VPS13B: variants seen among roughly 807,000 people sequenced by gnomAD.
VPS13B encodes vacuolar protein sorting 13 homolog B.
In VPS13B, 285 loss-of-function variants were observed where a neutral mutation model predicts 426.4. That is an observed-to-expected ratio of 0.67 (90% CI 0.61 to 0.74). The LOEUF is 0.74. VPS13B is among the 30% of genes least tolerant of loss of function. The probability of loss-of-function intolerance (pLI) is 0.00; values close to 1 mark genes in which losing one functional copy is unlikely to be tolerated. For missense variants in VPS13B, 4,537 were observed against 4,782.6 expected, an observed-to-expected ratio of 0.95 and a Z score of 1.51; for synonymous variants, 1,676 against 1,676.4, an observed-to-expected ratio of 1.00 and a Z score of 0.01.
At chr8:99,449,527 A>G (rs180774961) in intron 23 of VPS13B, among the ~76,000 whole-genome samples, 1 of 152,276 alleles carries the variant, frequency 6.6e-6, no homozygotes, top group East Asian at 1.9e-4. Context: ...AGAGTGACAA[A>G]TGAAGTGGGA....
intron 19 of VPS13B, among the ~76,000 whole-genome samples, chr8:99,332,570 G>T (rs1415660784): frequency 6.6e-6 from 1 of 151,584 alleles, no homozygotes; most frequent in East Asian, 1.9e-4. Context: ...TGATTTACTT[G>T]TAAAGTAAAT....
intron 3 of VPS13B, among the ~76,000 whole-genome samples, chr8:99,093,600 A>G (rs371267398): frequency 1.9e-3 from 281 of 147,422 alleles, no homozygotes; most frequent in African/African-American, 5.5e-3. Flanking sequence ...TCATTGTTCA[A>G]TTCCCACCTA....
At chr8:99,474,698 A>T (rs953638564) in intron 24 of VPS13B, among the ~76,000 whole-genome samples, 9 of 152,182 alleles carry the variant, frequency 5.9e-5, no homozygotes, top group Non-Finnish European at 1.2e-4. Flanking sequence ...AATAAATGAT[A>T]GACTCAATAT....
At chr8:99,637,230 A>G (rs1188796995) in intron 33 of VPS13B, among the ~76,000 whole-genome samples, 1 of 152,010 alleles carries the variant, frequency 6.6e-6, no homozygotes, top group African/African-American at 2.4e-5. Context: ...ACTTTTCTTA[A>G]TAGTGGACCA....
chr8:99,863,953 A>G (rs939829422), intron 58 of VPS13B, among the ~76,000 whole-genome samples: 1 of 152,174 alleles, frequency 6.6e-6, no homozygotes, highest in East Asian at 1.9e-4. Context: ...CAGTGTGTCC[A>G]TGTCTTGACT....
chr8:99,231,210 A>T (rs1563616074), intron 17 of VPS13B, among the ~76,000 whole-genome samples: 6 of 152,252 alleles, frequency 3.9e-5, no homozygotes, highest in Admixed American at 6.5e-5. Context: ...TCGTGATTTC[A>T]CAAGTTCAAA....
chr8:99,229,684 G>A (rs1816216883), intron 17 of VPS13B, among the ~76,000 whole-genome samples: 1 of 152,122 alleles, frequency 6.6e-6, no homozygotes, highest in African/African-American at 2.4e-5. Flanking sequence ...AGGAGAGATA[G>A]AAGGCCACTT....
At chr8:99,633,836 T>TGTGC (rs1554881630) in intron 33 of VPS13B, among the ~76,000 whole-genome samples, 3 of 151,334 alleles carry the variant, frequency 2.0e-5, no homozygotes, top group Non-Finnish European at 4.4e-5. Context: ...TGTGTGTGTG[T>TGTGC]GTGCGTGTTT....
intron 21 of VPS13B, among the ~76,000 whole-genome samples, chr8:99,407,150 A>G (rs148911770): frequency 5.3e-5 from 8 of 152,332 alleles, no homozygotes; most frequent in African/African-American, 1.7e-4. Flanking sequence ...GACCCTTTTC[A>G]GAACTGTGAG....
rs180736445 is a variant in VPS13B, at chr8:99,851,136, G to A, written c.10061+2242G>A. Among the ~76,000 whole-genome samples, 8 of 152,066 alleles carry A rather than the reference G, an allele frequency of 5.3e-5. No homozygotes were observed. The East Asian group carries it at 7.7e-4, about 15-fold the overall frequency. ...TTTAACTAGTATAGCACAAAATTTCGGGTTTATTCAACAATTTCAGAAACA... is the reference window on the plus strand; with the variant it reads ...TTTAACTAGTATAGCACAAAATTTCAGGTTTATTCAACAATTTCAGAAACA... On this transcript the variant is annotated intron_variant, in intron 55 of 61. Transcript: ENST00000357162.
intron 34 of VPS13B, among the ~76,000 whole-genome samples, chr8:99,647,082 ATATT>A (rs1332114188): frequency 2.6e-5 from 4 of 151,940 alleles, no homozygotes; most frequent in Admixed American, 6.6e-5. Context: ...TGTTATAGAG[ATATT>A]GGCTTTCTGG....
intron 3 of VPS13B, among the ~76,000 whole-genome samples, chr8:99,050,997 G>A (rs1373301315): frequency 6.6e-6 from 1 of 152,090 alleles, no homozygotes; most frequent in Admixed American, 6.5e-5. Flanking sequence ...TCACTCTGAT[G>A]GTAGTTTCTT....
chr8:99,311,381 A>G (rs1231481123), intron 19 of VPS13B, among the ~76,000 whole-genome samples: 1 of 151,942 alleles, frequency 6.6e-6, no homozygotes, highest in East Asian at 1.9e-4. Flanking sequence ...CTTTTTTCTC[A>G]TTGGTTTCAA....
Position 99,593,766 on chromosome 8 carries a change from A to G in VPS13B, c.5220+16133A>G, listed in dbSNP as rs140707361. Among the ~76,000 whole-genome samples the G allele has an allele frequency of 1.8e-3, 268 of 152,238 alleles. 2 individuals are homozygous for G. The highest frequency in any genetic ancestry group is 6.3e-3 in the African/African-American group (262 of 41,542). ...GATCGTGTACTGTGCAGGGACATGGATGGAGTTTAAAGCCATTATGCTCAG... is the reference window on the plus strand; with the variant it reads ...GATCGTGTACTGTGCAGGGACATGGGTGGAGTTTAAAGCCATTATGCTCAG... On this transcript the variant is annotated intron_variant, in intron 33 of 61. Transcript: ENST00000357162.
chr8:99,357,202 C>T (rs1353430914), intron 19 of VPS13B, among the ~76,000 whole-genome samples: 3 of 152,178 alleles, frequency 2.0e-5, no homozygotes, highest in African/African-American at 7.2e-5. Context: ...TCTACCTCAC[C>T]TATTCAGACC....
chr8:99,587,019 G>A (rs1244577612), intron 33 of VPS13B, among the ~76,000 whole-genome samples: 1 of 151,994 alleles, frequency 6.6e-6, no homozygotes, highest in Non-Finnish European at 1.5e-5. Flanking sequence ...TCCCTGCCCT[G>A]TGTCCAAGTG....
At chr8:99,665,126 G>A (rs1371701733) in intron 35 of VPS13B, among the ~76,000 whole-genome samples, 2 of 152,174 alleles carry the variant, frequency 1.3e-5, no homozygotes, top group Non-Finnish European at 2.9e-5. Flanking sequence ...CTTTTGAGAA[G>A]TGTCTGTTCA....
chr8:99,270,431 G>A (rs1009332682), intron 17 of VPS13B, among the ~76,000 whole-genome samples: 24 of 151,874 alleles, frequency 1.6e-4, no homozygotes, highest in East Asian at 7.8e-4. Context: ...GAGCCACCGC[G>A]CCTGGCCAAG....
intron 28 of VPS13B, among the ~76,000 whole-genome samples, chr8:99,509,620 A>T (rs1315334909): frequency 6.6e-6 from 1 of 152,116 alleles, no homozygotes; most frequent in Non-Finnish European, 1.5e-5. Context: ...GCTCAGACTC[A>T]TTACTGCTTT....
Sources: gnomAD v4.1 joint callset for allele counts (sites outside exome capture counted in the v4.1 genomes callset) on GRCh38, gnomAD v4.1.1 for gene constraint, MANE v1.5 for transcripts, NCBI Gene and HGNC (gene_info 2026-07-23, HGNC 2026-07-21) for gene names.